NIBAN2: variants seen among roughly 807,000 people sequenced by gnomAD.
The protein encoded by NIBAN2 is protein Niban 2.
A neutral mutation model predicts 81.8 loss-of-function variants in NIBAN2; 36 were observed. The observed-to-expected ratio is 0.44, with a 90% CI of 0.34 to 0.58. The LOEUF is 0.58. NIBAN2 is among the 20% of genes least tolerant of loss of function. The pLI is 0.02. For missense variants in NIBAN2, 897 were observed against 1,014.1 expected, an observed-to-expected ratio of 0.88 and a Z score of 1.57; for synonymous variants, 445 against 441.6, an observed-to-expected ratio of 1.01 and a Z score of -0.10.
At chr9:127,535,061 C>A (rs532042513) in intron 1 of NIBAN2, among the ~76,000 whole-genome samples, 1 of 152,212 alleles carries the variant, frequency 6.6e-6, no homozygotes, top group African/African-American at 2.4e-5. Context: ...ACGCACCCCA[C>A]AGGCATTCTA....
At chr9:127,560,645 A>C (rs1460113007) in intron 1 of NIBAN2, among the ~76,000 whole-genome samples, 2 of 152,216 alleles carry the variant, frequency 1.3e-5, no homozygotes, top group East Asian at 3.9e-4. Context: ...CCAGCCAGGA[A>C]GCACACACAG....
chr9:127,525,144 G>A lies in NIBAN2; in HGVS notation c.335C>T (p.Pro112Leu), dbSNP rs755416285. ...TGCACTGTTGATGACGGCTCGTGGT[G>A]GGACCTGCCGCTCATAGGCCTGAGG... Reference protein sequence around the residue: ...ENKAAYERQVPPRAVINSAGY... With the variant: ...ENKAAYERQVLPRAVINSAGY... Residue 112 changes from proline (P) to leucine (L), a missense_variant, in exon 4 of 14, where the codon CCA becomes CTA. By Grantham distance (98) the Pro-to-Leu change is moderately conservative. Around this residue, in one of 3 missense-constraint regions of NIBAN2, gnomAD observed 209 missense variants for 208.4 expected, o/e 1.00. Transcript: ENST00000373312. 1 of 1,614,044 alleles carries A rather than the reference G, an allele frequency of 6.2e-7. No individual in the cohort carries two copies. The highest frequency in any genetic ancestry group is 8.5e-7 in the Non-Finnish European group (1 of 1,179,968).
upstream of NIBAN2, among the ~76,000 whole-genome samples, chr9:127,571,244 G>C (rs915220853): frequency 6.6e-6 from 1 of 151,918 alleles, no homozygotes; most frequent in Non-Finnish European, 1.5e-5. Context: ...GTTCCTCCCT[G>C]GCCCAGGGAC....
intron 2 of NIBAN2, among the ~76,000 whole-genome samples, chr9:127,529,117 G>T (rs1837131511): frequency 1.3e-5 from 2 of 152,228 alleles, no homozygotes; most frequent in Non-Finnish European, 2.9e-5. Flanking sequence ...GACAGCCCAG[G>T]CAAAATATTT....
In NIBAN2 at chr9:127,508,619, T is replaced by TC; in HGVS notation, c.1318-82dup. ...GGGTGCCGCTGAGGGGTCCTCATCC[T>TC]CAACCAGCCCCCCACCCCGAGGCCT... On this transcript the variant is annotated intron_variant, in intron 10 of 13. Transcript: ENST00000373312. The surrounding 1 kb of genome is among the most constrained non-coding windows in gnomAD (Gnocchi z 6.4). 1 of 1,184,362 alleles carries TC rather than the reference T, an allele frequency of 8.4e-7. No individual in the cohort carries two copies. The allele number at this position is 1,184,362 out of a possible 1,614,324, so 73.4% of individuals were successfully genotyped here. A position where few individuals can be genotyped will look rare whatever the true frequency, so the allele number is the denominator to read the frequency against.
chr9:127,569,438 A>G (rs2995821), upstream of NIBAN2, among the ~76,000 whole-genome samples: 118,617 of 151,420 alleles, frequency 0.78, 46,664 homozygotes, highest in African/African-American at 0.83. Flanking sequence ...GCTGGTGGGG[A>G]CATCTGAAAA....
At chr9:127,528,153 C>T (rs1351795725) in intron 2 of NIBAN2, among the ~76,000 whole-genome samples, 1 of 152,134 alleles carries the variant, frequency 6.6e-6, no homozygotes, top group Non-Finnish European at 1.5e-5. Context: ...TAGGACTCAG[C>T]GTCTGTGACG....
At chr9:127,522,335 C>A (rs1836960125) in intron 5 of NIBAN2, among the ~76,000 whole-genome samples, 1 of 152,180 alleles carries the variant, frequency 6.6e-6, no homozygotes, top group South Asian at 2.1e-4. Context: ...TTGGCGCCCA[C>A]TCCGTCCCCT....
At chr9:127,551,698 A>G (rs1837579761) in intron 1 of NIBAN2, among the ~76,000 whole-genome samples, 1 of 151,894 alleles carries the variant, frequency 6.6e-6, no homozygotes, top group South Asian at 2.1e-4. Flanking sequence ...CTGGGCAACA[A>G]GAGCAAAACT....
chr9:127,570,594 C>G (rs1325490900), upstream of NIBAN2, among the ~76,000 whole-genome samples: 1 of 152,250 alleles, frequency 6.6e-6, no homozygotes, highest in Non-Finnish European at 1.5e-5. Context: ...TATTCATAGT[C>G]CCTGCCCTCA....
rs1450827114 is a variant in NIBAN2 at position 127,517,630 on chromosome 9, G to T, written c.705+196C>A. 3.9e-5 allele frequency among the ~76,000 whole-genome samples: 6 copies of T among 152,174 alleles called. No homozygotes were observed. Among genetic ancestry groups the T allele is most frequent in the Non-Finnish European group, 7.3e-5 (5 of 68,028 alleles). On this transcript the variant is annotated intron_variant, in intron 6 of 13. Coordinates refer to ENST00000373312, the MANE Select transcript of NIBAN2 (RefSeq NM_022833.4). This position sits in a 1 kb window ranked among gnomAD's most constrained non-coding sequence, Gnocchi z 4.0. ...GTGCCTCGTCCAGGGTAGGTGCTCA[G>T]ATGCCCAGTAAGTGATGAATAAGAC...
At chr9:127,574,307 AGGCCTTTCTCTG>A (rs1396390324) in intron 1 of NIBAN2, among the ~76,000 whole-genome samples, 1 of 152,158 alleles carries the variant, frequency 6.6e-6, no homozygotes, top group Non-Finnish European at 1.5e-5. Context: ...CTGACTCATC[AGGCCTTTCTCTG>A]GAAGTGGCTT....
intron 1 of NIBAN2, among the ~76,000 whole-genome samples, chr9:127,543,166 C>T (rs937472828): frequency 6.6e-5 from 10 of 152,194 alleles, no homozygotes; most frequent in African/African-American, 2.4e-4. Flanking sequence ...TCATTCTCGA[C>T]TCTCAAAATG....
At chr9:127,557,265 G>A (rs910840245) in intron 1 of NIBAN2, among the ~76,000 whole-genome samples, 2 of 152,166 alleles carry the variant, frequency 1.3e-5, no homozygotes, top group African/African-American at 4.8e-5. Context: ...CAGCCTGGAA[G>A]GGTCAGTCTG....
At position 127,531,652 on chromosome 9, in the gene NIBAN2, C is replaced by T. The variant is rs762563150; in HGVS notation, c.182G>A (p.Arg61His). The T allele has an allele frequency of 6.2e-6, 10 of 1,612,968 alleles. No individual in the cohort carries two copies. The highest frequency in any genetic ancestry group is 8.5e-6 in the Non-Finnish European group (10 of 1,179,970). ...AGCCCTCCCAGCACCTCTCACCTTG[C>T]GCCAGAGCAGCTGGGCCTGCGGCAG... ...TGLPQAQLLW[R>H]KVPLDERIVF... The change falls in exon 2 of 14, where the codon CGC becomes CAC. Residue 61 changes from arginine (R) to histidine (H), a missense_variant. Around this residue, in one of 3 missense-constraint regions of NIBAN2, gnomAD observed 209 missense variants for 208.4 expected, o/e 1.00. Transcript: ENST00000373312.
intron 2 of NIBAN2, among the ~76,000 whole-genome samples, chr9:127,528,171 A>G (rs1837112859): frequency 6.6e-6 from 1 of 152,172 alleles, no homozygotes; most frequent in African/African-American, 2.4e-5. Context: ...ACGACCTCCA[A>G]TCCTCAGGGA....
At chr9:127,552,967 C>T (rs946963778) in intron 1 of NIBAN2, among the ~76,000 whole-genome samples, 2 of 152,156 alleles carry the variant, frequency 1.3e-5, no homozygotes, top group Admixed American at 1.3e-4. Context: ...GCTGGGATTA[C>T]AGGCATTAGC....
In NIBAN2 at chr9:127,548,746, T is replaced by C. The variant is rs77677413; in HGVS notation, c.56-16968A>G. On this transcript the variant is annotated intron_variant, in intron 1 of 13. Coordinates refer to ENST00000373312, the MANE Select transcript of NIBAN2 (RefSeq NM_022833.4). Reference sequence around the variant, plus strand: ...AAGCTGTGACGGGCTAAGTACCACATAGGGGCTGCTCAGGGAAAGGAGGGA... The same window carrying C: ...AAGCTGTGACGGGCTAAGTACCACACAGGGGCTGCTCAGGGAAAGGAGGGA... Among the ~76,000 whole-genome samples the C allele has an allele frequency of 5.0e-3, 768 of 152,264 alleles. 14 individuals are homozygous for C. In the East Asian group the frequency reaches 0.055, roughly 11 times the overall value.
chr9:127,564,765 C>G (rs1253904192), intron 1 of NIBAN2, among the ~76,000 whole-genome samples: 1 of 151,480 alleles, frequency 6.6e-6, no homozygotes, highest in Non-Finnish European at 1.5e-5. Context: ...CCCAGCTACT[C>G]AGGAGGCTGA....
Sources: allele counts gnomAD v4.1 joint callset (sites outside exome capture counted in the v4.1 genomes callset), GRCh38; gene constraint gnomAD v4.1.1; regional missense constraint gnomAD v4.1.1; non-coding constraint Gnocchi (gnomAD v3.1); transcripts MANE v1.5; gene names NCBI Gene and HGNC (gene_info 2026-07-23, HGNC 2026-07-21).